MMP3: variants seen among roughly 807,000 people sequenced by gnomAD.
MMP3 encodes the protein stromelysin-1.
In MMP3, 46 loss-of-function variants were observed where a neutral mutation model predicts 47.3. The ratio of observed to expected loss-of-function variants is 0.97; its 90% CI spans 0.77 to 1.24. MMP3 has a LOEUF of 1.24. Ranked by LOEUF, MMP3 falls within the 50% of genes most tolerant of loss-of-function variation. The pLI is 0.00. For synonymous variants in MMP3, 216 were observed against 206.5 expected (o/e 1.05, Z -0.39); for missense variants, 558 against 565.5 (o/e 0.99, Z 0.13).
At chr11:102,840,738 CTAAT>C (rs1858983085) in intron 4 of MMP3, 145 bp from the exon 5 acceptor site, 1 of 754,398 alleles carries the variant, frequency 1.3e-6, no homozygotes, top group Non-Finnish European at 2.1e-6. Context: ...GAACAATTGA[CTAAT>C]TACACACTTA....
chr11:102,842,119 A>C (rs1859007633), intron 4 of MMP3, 35 bp downstream of exon 4: 1 of 1,494,124 alleles, frequency 6.7e-7, no homozygotes, highest in Non-Finnish European at 8.9e-7. Flanking sequence ...TAAAAAAATT[A>C]ATGCCAAAAT....
Position 102,839,165 on chromosome 11 carries a change from T to C in MMP3, c.1014A>G (p.Ser338=), listed in dbSNP as rs782036792. 41 of 1,614,000 alleles carry C rather than the reference T, an allele frequency of 2.5e-5. No individual in the cohort carries two copies. The South Asian group carries it at 3.6e-4, about 14-fold the overall frequency. The part of the protein sequence containing the change: ...LISSFWPSLP[S]GVDAAYEVTS... ...TAACTTCATATGCGGCATCCACGCC[T>C]GAAGGAAGAGATGGCCAAAATGAAG... The change falls in exon 7 of 10, where the codon TCA becomes TCG. Residue 338 remains serine, a synonymous_variant. Transcript: ENST00000299855.
At chr11:102,839,681 C>T (rs1313614352) in intron 6 of MMP3, among the ~76,000 whole-genome samples, 1 of 152,116 alleles carries the variant, frequency 6.6e-6, no homozygotes, top group East Asian at 1.9e-4. Flanking sequence ...ACAGGGAGAA[C>T]TGGGAACTAA....
rs782130715 is a variant in MMP3, at chr11:102,840,177, T to C, written c.866A>G (p.Asn289Ser). 5.6e-6 allele frequency: 9 copies of C among 1,613,918 alleles called. No individual in the cohort carries two copies. Among genetic ancestry groups the C allele is most frequent in the Admixed American group, 5.0e-5 (3 of 59,986 alleles). The change falls in exon 6 of 10, where the codon AAC becomes AGC. Residue 289 changes from asparagine (N) to serine (S), a missense_variant. By Grantham distance (46) the Asn-to-Ser change is conservative (BLOSUM62 1). Transcript: ENST00000299855. ...PVPPEPGTPA[N>S]CDPALSFDAV... ...ATCAAAGGACAAAGCAGGATCACAG[T>C]TGGCTGGCGTCCCAGGTTCTGGAGG... is the stretch of plus-strand genomic sequence containing the variant.
chr11:102,840,192 G>T lies in MMP3; in HGVS notation c.851C>A (p.Pro284His), dbSNP rs1420146151. The stretch of plus-strand genomic sequence containing the variant: ...AGGATCACAGTTGGCTGGCGTCCCA[G>T]GTTCTGGAGGGACAGGTTCCGTGGG... ...LVPTEPVPPEPGTPANCDPAL... is the reference protein window; with the variant it reads ...LVPTEPVPPEHGTPANCDPAL... Residue 284 changes from proline (P) to histidine (H), a missense_variant, in exon 6 of 10, where the codon CCT becomes CAT. Pro to His is a moderately conservative substitution (Grantham distance 77). Transcript: ENST00000299855. 1.2e-6 allele frequency: 2 copies of T among 1,613,994 alleles called. No homozygotes were observed. Among genetic ancestry groups the T allele is most frequent in the African/African-American group, 1.3e-5 (1 of 74,926 alleles).
At chr11:102,843,408 T>TC in intron 1 of MMP3, 34 bp downstream of exon 1, 1 of 1,512,122 alleles carries the variant, frequency 6.6e-7, no homozygotes, top group Non-Finnish European at 9.2e-7. Flanking sequence ...CTCTGGAAGC[T>TC]CCCCACCTGG....
In MMP3 at chr11:102,837,291, C is replaced by G; in HGVS notation, c.1333+7G>C. The G allele has an allele frequency of 1.2e-6, 2 of 1,602,592 alleles. No homozygotes were observed. Among genetic ancestry groups the G allele is most frequent in the African/African-American group, 2.7e-5 (2 of 74,786 alleles). ...CTCTATGGCCAACACAGTAAGTATC[C>G]TCTTACCAAATTCTTCAAAAACAGC... On this transcript the variant is annotated splice_region_variant and intron_variant, in intron 9 of 9. Coordinates refer to ENST00000299855, the MANE Select transcript of MMP3 (RefSeq NM_002422.5). This position sits in a 1 kb window ranked among gnomAD's most constrained non-coding sequence, Gnocchi z 4.4.
rs602128 is a variant in MMP3 at position 102,842,734 on chromosome 11, A to G, written c.288T>C (p.Asp96=). ...CAGGAAAGGTTCTGAAGTGACCAAC[A>G]TCAGGAACTCCACACCTGGGCTTGC... is the stretch of plus-strand genomic sequence containing the variant. ...VMRKPRCGVP[D]VGHFRTFPGI... is the part of the protein sequence containing the mutation. Residue 96 remains aspartate, a synonymous_variant, in exon 2 of 10, where the codon GAT becomes GAC. Transcript: ENST00000299855. 840,009 of 1,613,446 alleles carry G rather than the reference A, an allele frequency of 0.52. 222,671 individuals are homozygous for G. Among genetic ancestry groups the G allele is most frequent in the East Asian group, 0.68 (30,421 of 44,834 alleles).
chr11:102,840,208 G>A lies in MMP3; in HGVS notation c.835C>T (p.Pro279Ser), dbSNP rs782642874. The A allele has an allele frequency of 6.2e-7, 1 of 1,614,110 alleles. No individual in the cohort carries two copies. The highest frequency in any genetic ancestry group is 2.2e-5 in the East Asian group (1 of 44,886). ...GGCGTCCCAGGTTCTGGAGGGACAG[G>A]TTCCGTGGGTACCAGGGGGGTCTCA... ...SPETPLVPTEPVPPEPGTPAN... is the reference protein window; with the variant it reads ...SPETPLVPTESVPPEPGTPAN... The change falls in exon 6 of 10, where the codon CCT becomes TCT. Residue 279 changes from proline to serine, a missense_variant. Coordinates refer to ENST00000299855, the MANE Select transcript of MMP3 (RefSeq NM_002422.5).
rs1858880525 is a variant in MMP3, at chr11:102,836,303, A to G, written c.1334-77T>C. The G allele has an allele frequency of 2.7e-6, 3 of 1,104,976 alleles. No individual in the cohort carries two copies. Among genetic ancestry groups the G allele is most frequent in the African/African-American group, 3.1e-5 (2 of 64,068 alleles). The allele number at this position is 1,104,976 out of a possible 1,614,324, so 68.4% of individuals were successfully genotyped here. ...TTGACAATATACAAAACTCAGAATC[A>G]TAGAGAACTAAAAATAGAAAGTGTT... On this transcript the variant is annotated intron_variant, in intron 9 of 9. Coordinates refer to ENST00000299855, the MANE Select transcript of MMP3 (RefSeq NM_002422.5). The surrounding 1 kb of genome is among the most constrained non-coding windows in gnomAD (Gnocchi z 4.6).
chr11:102,842,725 G>A lies in MMP3; in HGVS notation c.297C>T (p.His99=). The A allele has an allele frequency of 6.2e-7, 1 of 1,613,994 alleles. No homozygotes were observed. Among genetic ancestry groups the A allele is most frequent in the South Asian group, 1.1e-5 (1 of 91,066 alleles). Residue 99 remains histidine, a synonymous_variant, in exon 2 of 10, where the codon CAC becomes CAT. Transcript: ENST00000299855. ...KPRCGVPDVG[H]FRTFPGIPKW... ...TCGGGATGCCAGGAAAGGTTCTGAAGTGACCAACATCAGGAACTCCACACC... is the reference window on the plus strand; with the variant it reads ...TCGGGATGCCAGGAAAGGTTCTGAAATGACCAACATCAGGAACTCCACACC...
At chr11:102,839,351 A>C in intron 6 of MMP3, 108 bp from the exon 7 acceptor site, 1 of 1,286,564 alleles carries the variant, frequency 7.8e-7, no homozygotes, top group Non-Finnish European at 1.1e-6. Flanking sequence ...CTCATCTTCT[A>C]GGCTGGATGA....
At chr11:102,842,972 T>G in intron 1 of MMP3, 56 bp from the exon 2 acceptor site, 1 of 1,418,528 alleles carries the variant, frequency 7.0e-7, no homozygotes, top group Non-Finnish European at 9.4e-7. Flanking sequence ...TATAGCTATC[T>G]ATTTATAGTA....
intron 3 of MMP3, 27 bp downstream of exon 3, chr11:102,842,404 C>CCTT (rs782594303): frequency 1.2e-6 from 1 of 810,714 alleles, no homozygotes; most frequent in African/African-American, 3.1e-5. Context: ...TTTTGTTTTG[C>CCTT]TTTTTTTTTT....
intron 8 of MMP3, among the ~76,000 whole-genome samples, chr11:102,838,220 T>A (rs1037504141): frequency 6.6e-6 from 1 of 152,038 alleles, no homozygotes; most frequent in African/African-American, 2.4e-5. Context: ...GGGTCTAAAG[T>A]CCACGAGGGA....
In MMP3 at chr11:102,839,096, G is replaced by A; in HGVS notation, c.1069+14C>T. 6.2e-7 allele frequency: 1 copy of A among 1,603,434 alleles called. No homozygotes were observed. Among genetic ancestry groups the A allele is most frequent in the Non-Finnish European group, 8.5e-7 (1 of 1,176,360 alleles). ...TACTTTGGCAAGTTAAACAAATGAT[G>A]ATATAGTAATTACCTTTAAAAATGA... On this transcript the variant is annotated intron_variant, in intron 7 of 9. Transcript: ENST00000299855.
chr11:102,835,846 C>T lies in MMP3; in HGVS notation c.*280G>A, dbSNP rs1276079466. On this transcript the variant is annotated 3_prime_UTR_variant, in exon 10 of 10. Coordinates refer to ENST00000299855, the MANE Select transcript of MMP3 (RefSeq NM_002422.5). The stretch of plus-strand genomic sequence containing the variant: ...CTTTATTAAATAAGCAAATAGTCTA[C>T]ACAGATACAGTCACTTGTCTGTTGC... 8.5e-6 allele frequency: 3 copies of T among 351,850 alleles called. No homozygotes were observed. The East Asian group carries it at 1.4e-4, about 17-fold the overall frequency. The allele number at this position is 351,850 out of a possible 1,614,324, so 21.8% of individuals were successfully genotyped here. A position where few individuals can be genotyped will look rare whatever the true frequency, so the allele number is the denominator to read the frequency against.
chr11:102,840,029 CTCTATCAAGTT>C (rs1320379534), intron 6 of MMP3, 68 bp downstream of exon 6: 3 of 1,424,774 alleles, frequency 2.1e-6, no homozygotes, highest in Non-Finnish European at 2.9e-6. Flanking sequence ...GTCTAAGAAT[CTCTATCAAGTT>C]TCTGCGTGTT....
chr11:102,838,809 T>G, intron 7 of MMP3, 99 bp from the exon 8 acceptor site: 1 of 1,360,902 alleles, frequency 7.3e-7, no homozygotes. Context: ...CATGGTAAAG[T>G]AGTAGCCCAA....
Sources: gnomAD v4.1 joint callset for allele counts (sites outside exome capture counted in the v4.1 genomes callset) on GRCh38, gnomAD v4.1.1 for gene constraint, Gnocchi (gnomAD v3.1) non-coding constraint, MANE v1.5 for transcripts, NCBI Gene and HGNC (gene_info 2026-07-23, HGNC 2026-07-21) for gene names.